The following ADD3 variants were observed in gnomAD, a reference collection of about 807,000 sequenced individuals.
ADD3 encodes adducin 3.
ADD3 carries 25 observed loss-of-function variants against 80.2 expected under a neutral mutation model. The ratio of observed to expected loss-of-function variants is 0.31; its 90% CI spans 0.23 to 0.44. The LOEUF is 0.44. ADD3 is among the 20% of genes least tolerant of loss of function. The pLI is 1.00. For missense variants in ADD3, 829 were observed against 847.5 expected (o/e 0.98, Z 0.27); for synonymous variants, 284 against 289.6 (o/e 0.98, Z 0.20).
chr10:110,128,049 ATTTTTTT>A (rs71486096), intron 12 of ADD3, among the ~76,000 whole-genome samples: 9 of 106,014 alleles, frequency 8.5e-5, no homozygotes, highest in Non-Finnish European at 1.1e-4. Context: ...TTTGTTTAGG[ATTTTTTT>A]TTTTTTTTTT....
intron 2 of ADD3, among the ~76,000 whole-genome samples, chr10:110,112,506 G>C (rs370189451): frequency 4.7e-4 from 72 of 152,214 alleles, no homozygotes; most frequent in African/African-American, 1.7e-3. Flanking sequence ...TTAATAAGAG[G>C]AGTTTTATCT....
At chr10:110,100,233 C>T (rs1564977297) in intron 1 of ADD3, among the ~76,000 whole-genome samples, 1 of 151,674 alleles carries the variant, frequency 6.6e-6, no homozygotes, top group Non-Finnish European at 1.5e-5. Flanking sequence ...GCCTGTAGTC[C>T]CAACTACTCG....
chr10:110,132,410 G>A lies in ADD3; in HGVS notation c.1828+10G>A. The A allele has an allele frequency of 6.3e-7, 1 of 1,576,494 alleles. No homozygotes were observed. The highest frequency in any genetic ancestry group is 1.1e-5 in the South Asian group (1 of 90,156). Reference sequence around the variant, plus strand: ...CCTGAAAAATTAGAAGGTACTCAATGTAATTTCCCACATAGCATTCACTGA... The same window carrying A: ...CCTGAAAAATTAGAAGGTACTCAATATAATTTCCCACATAGCATTCACTGA... On this transcript the variant is annotated intron_variant, in intron 14 of 14. Transcript: ENST00000356080.
chr10:110,066,101 TCTTGA>T (rs1843920942), intron 1 of ADD3, among the ~76,000 whole-genome samples: 1 of 152,192 alleles, frequency 6.6e-6, no homozygotes, highest in Non-Finnish European at 1.5e-5. Context: ...CATGTTTCTC[TCTTGA>T]CTTGGGGTTT....
At chr10:110,094,198 A>T (rs1488218126) in intron 1 of ADD3, among the ~76,000 whole-genome samples, 3 of 152,188 alleles carry the variant, frequency 2.0e-5, no homozygotes, top group Admixed American at 2.0e-4. Flanking sequence ...TATAAAATAC[A>T]TCCATAAACA....
intron 12 of ADD3, among the ~76,000 whole-genome samples, chr10:110,128,904 C>T (rs1248626458): frequency 1.3e-5 from 2 of 152,158 alleles, no homozygotes; most frequent in African/African-American, 2.4e-5. Context: ...GACATTAAAG[C>T]ATATCAGAAG....
chr10:110,124,318 C>T, intron 10 of ADD3, 44 bp downstream of exon 10: 2 of 1,587,866 alleles, frequency 1.3e-6, no homozygotes, highest in Non-Finnish European at 1.7e-6. Context: ...AAATATTTTG[C>T]CTAGTTACTC....
intron 1 of ADD3, among the ~76,000 whole-genome samples, chr10:110,038,129 A>C (rs1242298264): frequency 6.6e-6 from 1 of 152,180 alleles, no homozygotes; most frequent in African/African-American, 2.4e-5. Flanking sequence ...TTGGTAGATA[A>C]AAATTAGCAG....
intron 1 of ADD3, among the ~76,000 whole-genome samples, chr10:110,056,856 A>G (rs1391878794): frequency 6.6e-6 from 1 of 152,200 alleles, no homozygotes; most frequent in Non-Finnish European, 1.5e-5. Context: ...GGAGCAAAGG[A>G]AAAACCCTTT....
chr10:110,135,312 CCT>C lies in ADD3; in HGVS notation c.*1695_*1696del, dbSNP rs1211702608. ...ATTACAATGTATGTAGAAATAGTAA[CCT>C]GTGAACTATGCTTTTCCATAACTTT... is the stretch of plus-strand genomic sequence containing the variant. On this transcript the variant is annotated 3_prime_UTR_variant, in exon 15 of 15. Transcript: ENST00000356080. 6 of 152,394 alleles carry C rather than the reference CCT, an allele frequency of 3.9e-5. No homozygotes were observed. The highest frequency in any genetic ancestry group is 1.3e-4 in the Admixed American group (2 of 15,250). 9.4% of individuals were successfully genotyped at this position (152,394 alleles called of 1,614,324 possible).
intron 11 of ADD3, 130 bp from the exon 12 acceptor site, chr10:110,126,287 T>C: frequency 2.9e-6 from 2 of 679,800 alleles, no homozygotes; most frequent in Non-Finnish European, 2.5e-6. Flanking sequence ...AAGAGGTCTT[T>C]ATGGAGGTGG....
chr10:110,084,274 C>G (rs1036515119), intron 1 of ADD3, among the ~76,000 whole-genome samples: 1 of 152,132 alleles, frequency 6.6e-6, no homozygotes, highest in African/African-American at 2.4e-5. Flanking sequence ...GGAAATAACA[C>G]CAACAAAATG....
At chr10:110,044,162 C>T (rs1289025908) in intron 1 of ADD3, among the ~76,000 whole-genome samples, 5 of 152,102 alleles carry the variant, frequency 3.3e-5, no homozygotes. Flanking sequence ...AGATCATGCC[C>T]CTGAACTCCG....
In ADD3 at chr10:110,100,349, C is replaced by CAAAAAAAAAAAAAAAAAAA; in HGVS notation, c.-29-275_-29-257dup. 4.0e-5 allele frequency among the ~76,000 whole-genome samples: 3 copies of CAAAAAAAAAAAAAAAAAAA among 74,980 alleles called. 1 individual carries two copies. The highest frequency in any genetic ancestry group is 3.0e-5 in the Non-Finnish European group (1 of 33,426). The allele number at this position is 74,980 out of a possible 152,430, so 49.2% of individuals were successfully genotyped here. A position where few individuals can be genotyped will look rare whatever the true frequency, so the allele number is the denominator to read the frequency against. Reference sequence around the variant, plus strand: ...TGGGTGACACAGTGAGACTCCATCTCAAAAAAAAAAAAAAAAAAAGGCAGT... The same window carrying CAAAAAAAAAAAAAAAAAAA: ...TGGGTGACACAGTGAGACTCCATCTCAAAAAAAAAAAAAAAAAAAAAAAAAAAAAAAAAAAAAAGGCAGT... On this transcript the variant is annotated intron_variant, in intron 1 of 14. Coordinates refer to ENST00000356080, the MANE Select transcript of ADD3 (RefSeq NM_016824.5).
chr10:110,126,082 A>G, intron 11 of ADD3, 137 bp downstream of exon 11: 1 of 903,024 alleles, frequency 1.1e-6, no homozygotes, highest in East Asian at 2.6e-5. Flanking sequence ...GTATAATTTT[A>G]GCTTATATTG....
intron 1 of ADD3, among the ~76,000 whole-genome samples, chr10:110,083,024 T>TC (rs1846254471): frequency 1.3e-5 from 2 of 152,184 alleles, no homozygotes; most frequent in African/African-American, 4.8e-5. Flanking sequence ...CTTACTCACC[T>TC]CAGTGAGTTA....
At chr10:110,128,385 T>G (rs1852462594) in intron 12 of ADD3, among the ~76,000 whole-genome samples, 1 of 151,724 alleles carries the variant, frequency 6.6e-6, no homozygotes, top group Non-Finnish European at 1.5e-5. Context: ...TTTAATTTTT[T>G]ATTTTGATGT....
Position 110,125,905 on chromosome 10 carries a change from T to C in ADD3, c.1481T>C (p.Leu494Ser). The C allele has an allele frequency of 6.2e-7, 1 of 1,609,842 alleles. No homozygotes were observed. The highest frequency in any genetic ancestry group is 8.5e-7 in the Non-Finnish European group (1 of 1,177,080). Reference sequence around the variant, plus strand: ...GAAGATCCAAATCAGTTTGTTCCTTTAAACACAAACCCGAATGAGGTACTA... The same window carrying C: ...GAAGATCCAAATCAGTTTGTTCCTTCAAACACAAACCCGAATGAGGTACTA... ...KIEDPNQFVPLNTNPNEVLEK... is the reference protein window; with the variant it reads ...KIEDPNQFVPSNTNPNEVLEK... Residue 494 changes from leucine (L) to serine (S), a missense_variant, in exon 11 of 15, where the codon TTA becomes TCA. Physicochemically the swap from Leu to Ser is moderately radical, Grantham distance 145. Transcript: ENST00000356080.
In ADD3 at chr10:110,112,887, T is replaced by C. The variant is rs1850226483; in HGVS notation, c.306T>C (p.Ser102=). ...QQIADYIMAN[S]FSGFSSPPLS... is the part of the protein sequence containing the mutation. ...TTGCAGATTACATCATGGCCAATTC[T>C]TTCTCGGGTTTTTCTTCACCTCCTC... The change falls in exon 3 of 15, where the codon TCT becomes TCC. Residue 102 remains serine, a synonymous_variant. Transcript: ENST00000356080. 7 of 1,613,742 alleles carry C rather than the reference T, an allele frequency of 4.3e-6. No individual in the cohort carries two copies. The highest frequency in any genetic ancestry group is 5.9e-6 in the Non-Finnish European group (7 of 1,179,946).
Sources: allele counts gnomAD v4.1 joint callset (sites outside exome capture counted in the v4.1 genomes callset), GRCh38; gene constraint gnomAD v4.1.1; transcripts MANE v1.5; gene names NCBI Gene and HGNC (gene_info 2026-07-23, HGNC 2026-07-21).